Variants in PCDHGB5 observed in about 807,000 individuals in gnomAD.
PCDHGB5 encodes the protein protocadherin gamma subfamily B, 5, also known as protocadherin gamma-B5.
A neutral mutation model predicts 62.9 loss-of-function variants in PCDHGB5; 48 were observed. The ratio of observed to expected loss-of-function variants is 0.76; its 90% CI spans 0.61 to 0.97. The LOEUF is 0.97. Ranked by LOEUF, PCDHGB5 falls within the 50% of genes least tolerant of loss-of-function variation. The probability of loss-of-function intolerance (pLI) is 0.00; values close to 1 mark genes in which losing one functional copy is unlikely to be tolerated. For missense variants in PCDHGB5, 1,118 were observed against 1,198.6 expected (o/e 0.93, Z 0.99); for synonymous variants, 474 against 511.2 (o/e 0.93, Z 0.98).
chr5:141,498,042 A>G (rs1189035278), intron 2 of PCDHGB5, among the ~76,000 whole-genome samples: 2 of 152,238 alleles, frequency 1.3e-5, no homozygotes, highest in Non-Finnish European at 2.9e-5. Flanking sequence ...AATAATTACA[A>G]AAATAAATGT....
chr5:141,402,801 G>A, intron 1 of PCDHGB5: 6 of 1,078,624 alleles, frequency 5.6e-6, no homozygotes, highest in Non-Finnish European at 7.6e-6. Context: ...CACAAAACCC[G>A]GCAGATACCA....
At position 141,494,787 on chromosome 5, in the gene PCDHGB5, T is replaced by G. The variant is rs763990551; in HGVS notation, c.2398-20T>G. The G allele has an allele frequency of 6.2e-7, 1 of 1,614,044 alleles. No individual in the cohort carries two copies. Among genetic ancestry groups the G allele is most frequent in the Non-Finnish European group, 8.5e-7 (1 of 1,179,990 alleles). On this transcript the variant is annotated intron_variant, in intron 1 of 3. Transcript: ENST00000617380. ...ACTTCTCACGGGTACTCAGCCCCTT[T>G]CCCTCTGTTTTCTCCACAGCAAGCC...
At chr5:141,419,109 A>T in intron 1 of PCDHGB5, 1 of 1,613,940 alleles carries the variant, frequency 6.2e-7, no homozygotes, top group Non-Finnish European at 8.5e-7. Flanking sequence ...CAGACCCCAG[A>T]GTACAACGTC....
intron 1 of PCDHGB5, chr5:141,417,639 C>G: frequency 1.3e-6 from 1 of 745,670 alleles, no homozygotes; most frequent in Non-Finnish European, 2.1e-6. Flanking sequence ...CGCCGGGGAT[C>G]CCTCAGCCTC....
chr5:141,480,730 G>A (rs1261461187), intron 1 of PCDHGB5, among the ~76,000 whole-genome samples: 1 of 152,168 alleles, frequency 6.6e-6, no homozygotes, highest in East Asian at 1.9e-4. Flanking sequence ...GTCTCTGGGG[G>A]TGGGACATAG....
rs201458472 is a variant in PCDHGB5 at position 141,403,860 on chromosome 5, C to T, written c.2397+3336C>T. 1.5e-5 allele frequency: 25 copies of T among 1,613,382 alleles called. No individual in the cohort carries two copies. In the Admixed American group the frequency reaches 2.7e-4, roughly 17 times the overall value. Reference sequence around the variant, plus strand: ...AATGAAAATACTGGGGAAATATCAACAGCAAAAAGTCTAGATTATGAAGAA... The same window carrying T: ...AATGAAAATACTGGGGAAATATCAATAGCAAAAAGTCTAGATTATGAAGAA... On this transcript the variant is annotated intron_variant, in intron 1 of 3. Coordinates refer to ENST00000617380, the MANE Select transcript of PCDHGB5 (RefSeq NM_018925.3).
intron 1 of PCDHGB5, among the ~76,000 whole-genome samples, chr5:141,470,537 A>G (rs189730495): frequency 1.3e-5 from 2 of 152,256 alleles, no homozygotes; most frequent in Non-Finnish European, 2.9e-5. Context: ...TGTATCAGGT[A>G]ATATTTATTG....
In PCDHGB5 at chr5:141,477,080, A is replaced by G; in HGVS notation, c.2398-17727A>G. 1.9e-6 allele frequency: 3 copies of G among 1,614,254 alleles called. No homozygotes were observed. The highest frequency in any genetic ancestry group is 2.5e-6 in the Non-Finnish European group (3 of 1,180,042). ...GGACACCAAACTCCATGAGATTTAC[A>G]TCCAGGCCAAAGACAAGGGCGCCAA... On this transcript the variant is annotated intron_variant, in intron 1 of 3. Coordinates refer to ENST00000617380, the MANE Select transcript of PCDHGB5 (RefSeq NM_018925.3). The surrounding 1 kb of genome is among the most constrained non-coding windows in gnomAD (Gnocchi z 4.9).
intron 1 of PCDHGB5, among the ~76,000 whole-genome samples, chr5:141,472,409 C>T (rs2099279484): frequency 6.6e-6 from 1 of 152,016 alleles, no homozygotes; most frequent in South Asian, 2.1e-4. Flanking sequence ...GGCGTGGTGG[C>T]ACGCACCTGT....
Position 141,431,601 on chromosome 5 carries a change from T to G in PCDHGB5, c.2397+31077T>G. 1 of 1,614,202 alleles carries G rather than the reference T, an allele frequency of 6.2e-7. No homozygotes were observed. Among genetic ancestry groups the G allele is most frequent in the Non-Finnish European group, 8.5e-7 (1 of 1,180,032 alleles). On this transcript the variant is annotated intron_variant, in intron 1 of 3. Transcript: ENST00000617380. The surrounding 1 kb of genome is among the most constrained non-coding windows in gnomAD (Gnocchi z 4.8). Reference sequence around the variant, plus strand: ...GTCAATGCGGAAGTGAGGTATTCCTTCCGGTATGTGGACGACAAGGCGGCC... The same window carrying G: ...GTCAATGCGGAAGTGAGGTATTCCTGCCGGTATGTGGACGACAAGGCGGCC...
At chr5:141,405,029 C>A (rs565871444) in intron 1 of PCDHGB5, 1 of 1,613,976 alleles carries the variant, frequency 6.2e-7, no homozygotes, top group South Asian at 1.1e-5. Context: ...TACCCTCTAC[C>A]TCGTTGTGGC....
chr5:141,505,317 G>A, intron 2 of PCDHGB5, 76 bp from the exon 3 acceptor site: 1 of 1,603,092 alleles, frequency 6.2e-7, no homozygotes, highest in Non-Finnish European at 8.5e-7. Flanking sequence ...AGGTTTGGGA[G>A]CCCTGGGAGA....
rs1395688351 is a variant in PCDHGB5 at position 141,485,907 on chromosome 5, C to A, written c.2398-8900C>A. On this transcript the variant is annotated intron_variant, in intron 1 of 3. Coordinates refer to ENST00000617380, the MANE Select transcript of PCDHGB5 (RefSeq NM_018925.3). The surrounding 1 kb of genome is among the most constrained non-coding windows in gnomAD (Gnocchi z 5.7). ...GACAACGCCCCAGCCTTCCAGCAAT[C>A]CAGCTACAGGATTAGTGTGTTGGAG... is the stretch of plus-strand genomic sequence containing the variant. 6.2e-7 allele frequency: 1 copy of A among 1,614,176 alleles called. No homozygotes were observed.
At chr5:141,417,772 C>A (rs2240701) in intron 1 of PCDHGB5, 340,590 of 1,455,726 alleles carry the variant, frequency 0.23, 43,476 homozygotes, top group African/African-American at 0.5. Flanking sequence ...GGGACTCCTC[C>A]TGTCCTGGGC....
chr5:141,427,440 G>T (rs747459662), intron 1 of PCDHGB5: 3 of 477,366 alleles, frequency 6.3e-6, no homozygotes, highest in South Asian at 3.1e-5. Flanking sequence ...CCTCATAAAC[G>T]AAAGAGTTCC....
chr5:141,404,525 T>G, intron 1 of PCDHGB5: 1 of 1,613,796 alleles, frequency 6.2e-7, no homozygotes, highest in South Asian at 1.1e-5. Flanking sequence ...CTATGAGCAG[T>G]TTAGAGATTT....
chr5:141,488,502 C>T (rs989368385), intron 1 of PCDHGB5, among the ~76,000 whole-genome samples: 2 of 152,146 alleles, frequency 1.3e-5, no homozygotes, highest in Non-Finnish European at 2.9e-5. Context: ...ACACTCATTC[C>T]ACATTTGGGG....
At chr5:141,450,033 G>T (rs1377962229) in intron 1 of PCDHGB5, among the ~76,000 whole-genome samples, 2 of 131,450 alleles carry the variant, frequency 1.5e-5, no homozygotes, top group Admixed American at 8.4e-5. Flanking sequence ...TTGAGACAGG[G>T]TCTCACTCTT....
At chr5:141,404,289 A>T in intron 1 of PCDHGB5, 1 of 1,614,006 alleles carries the variant, frequency 6.2e-7, no homozygotes. Context: ...ACTGACATCA[A>T]TGATAATCCA....
Sources: gnomAD v4.1 joint callset for allele counts (sites outside exome capture counted in the v4.1 genomes callset) on GRCh38, gnomAD v4.1.1 for gene constraint, Gnocchi (gnomAD v3.1) non-coding constraint, MANE v1.5 for transcripts, NCBI Gene and HGNC (gene_info 2026-07-23, HGNC 2026-07-21) for gene names.